CELF6: variants seen among roughly 807,000 people sequenced by gnomAD.
CELF6 encodes CUGBP Elav-like family member 6.
CELF6 carries 32 observed loss-of-function variants against 53.1 expected under a neutral mutation model. The ratio of observed to expected loss-of-function variants is 0.60; its 90% CI spans 0.46 to 0.81. The LOEUF (loss-of-function observed/expected upper bound fraction) is 0.81. Ranked by LOEUF, CELF6 falls within the 30% of genes least tolerant of loss-of-function variation. The pLI is 0.00. For synonymous variants in CELF6, 291 were observed against 288.8 expected (o/e 1.01, Z -0.08); for missense variants, 539 against 669.5 (o/e 0.81, Z 2.15).
chr15:72,291,661 A>G (rs985855578), intron 3 of CELF6, among the ~76,000 whole-genome samples: 1 of 152,142 alleles, frequency 6.6e-6, no homozygotes, highest in African/African-American at 2.4e-5. Context: ...CAACAAGACT[A>G]TGTGTGTGTC....
chr15:72,294,706 G>A (rs1008036410), intron 3 of CELF6, among the ~76,000 whole-genome samples: 3 of 152,192 alleles, frequency 2.0e-5, no homozygotes, highest in South Asian at 2.1e-4. Context: ...AAGCCAGCAC[G>A]GTGGCTCACG....
intron 2 of CELF6, among the ~76,000 whole-genome samples, chr15:72,308,531 TTTG>T (rs1461178281): frequency 3.3e-5 from 5 of 151,976 alleles, no homozygotes; most frequent in Admixed American, 2.6e-4. Flanking sequence ...CTGGCCGGTT[TTTG>T]TTGTTGTTAT....
chr15:72,286,446 C>G (rs2087923706), intron 12 of CELF6, 104 bp from the exon 13 acceptor site: 2 of 152,598 alleles, frequency 1.3e-5, no homozygotes, highest in African/African-American at 4.8e-5. Context: ...AGTGACGTCT[C>G]AGGTGAGTGG....
chr15:72,290,331 A>G, intron 3 of CELF6, 76 bp from the exon 4 acceptor site: 1 of 1,510,818 alleles, frequency 6.6e-7, no homozygotes, highest in South Asian at 1.2e-5. Context: ...GGAACTTAGG[A>G]AGGCAGCTCA....
chr15:72,304,419 A>G (rs1366900560), intron 3 of CELF6, among the ~76,000 whole-genome samples: 1 of 152,228 alleles, frequency 6.6e-6, no homozygotes, highest in Non-Finnish European at 1.5e-5. Context: ...CTTAAAAACA[A>G]CAACAACAAC....
At chr15:72,299,229 C>T (rs2088119009) in intron 3 of CELF6, among the ~76,000 whole-genome samples, 1 of 151,682 alleles carries the variant, frequency 6.6e-6, no homozygotes, top group Non-Finnish European at 1.5e-5. Flanking sequence ...GAGCGAGACT[C>T]CATTTCAAAA....
Position 72,285,731 on chromosome 15 carries a change from C to A in CELF6, c.*640G>T, listed in dbSNP as rs4777498. ...GGGTTCACTGCTTCCATAACGTTCT[C>A]ATTACCTGCATGTGAGCCTAGACCT... On this transcript the variant is annotated 3_prime_UTR_variant, in exon 13 of 13. Transcript: ENST00000287202. The A allele has an allele frequency of 0.75, 114,033 of 152,568 alleles. 48,601 individuals carry two copies. Among genetic ancestry groups the A allele is most frequent in the Non-Finnish European group, 0.94 (64,207 of 68,064 alleles). 9.5% of individuals were successfully genotyped at this position (152,568 alleles called of 1,614,324 possible). A position where few individuals can be genotyped will look rare whatever the true frequency, so the allele number is the denominator to read the frequency against.
In CELF6 at chr15:72,288,160, T is replaced by C; in HGVS notation, c.1318+148A>G. ...GCCAAGGCTTGTTGTTGGCCTAAAC[T>C]TAGGCCCATCACTGGTTTGTGACCC... On this transcript the variant is annotated intron_variant, in intron 11 of 12. Transcript: ENST00000287202. This position sits in a 1 kb window ranked among gnomAD's most constrained non-coding sequence, Gnocchi z 4.6. 1.1e-6 allele frequency: 1 copy of C among 908,642 alleles called. No individual in the cohort carries two copies. The highest frequency in any genetic ancestry group is 1.8e-6 in the Non-Finnish European group (1 of 567,490). The allele number at this position is 908,642 out of a possible 1,614,324, so 56.3% of individuals were successfully genotyped here.
intron 3 of CELF6, among the ~76,000 whole-genome samples, chr15:72,302,072 AT>A (rs1278519815): frequency 5.3e-5 from 8 of 152,238 alleles, no homozygotes; most frequent in African/African-American, 1.7e-4. Context: ...TTGTGTTAAA[AT>A]TCAGCAGAGG....
chr15:72,316,354 G>A (rs768197939), intron 1 of CELF6, among the ~76,000 whole-genome samples: 74 of 152,238 alleles, frequency 4.9e-4, no homozygotes, highest in Non-Finnish European at 7.8e-4. Context: ...ACTCAGTTTC[G>A]GATGGGAGGA....
chr15:72,286,790 T>G (rs1030430732), intron 12 of CELF6, among the ~76,000 whole-genome samples: 1 of 152,228 alleles, frequency 6.6e-6, no homozygotes, highest in African/African-American at 2.4e-5. Context: ...TGCCACTATC[T>G]CAGCCCTTAC....
intron 2 of CELF6, among the ~76,000 whole-genome samples, chr15:72,311,409 T>C (rs1434927548): frequency 6.6e-6 from 1 of 150,648 alleles, no homozygotes; most frequent in Non-Finnish European, 1.5e-5. Context: ...TTTTTTCTTT[T>C]TTTTTTTTTT....
At chr15:72,309,998 C>T (rs531269660) in intron 2 of CELF6, among the ~76,000 whole-genome samples, 35 of 152,186 alleles carry the variant, frequency 2.3e-4, no homozygotes, top group Non-Finnish European at 4.9e-4. Flanking sequence ...CGCACAGACA[C>T]GCACAGGGCC....
intron 2 of CELF6, among the ~76,000 whole-genome samples, chr15:72,309,336 C>A (rs192690676): frequency 1.3e-5 from 2 of 152,298 alleles, no homozygotes; most frequent in East Asian, 3.9e-4. Flanking sequence ...ATCAGTGGCA[C>A]AGGTGAGAGG....
At position 72,320,012 on chromosome 15, in the gene CELF6, G is replaced by GGGC; in HGVS notation, c.-139_-138insGCC. The GGGC allele has an allele frequency of 1.2e-6, 1 of 849,326 alleles. No individual in the cohort carries two copies. 52.6% of individuals were successfully genotyped at this position (849,326 alleles called of 1,614,324 possible). A position where few individuals can be genotyped will look rare whatever the true frequency, so the allele number is the denominator to read the frequency against. ...GGCGGGGGGCTGCCCAGGGGGCGGG[G>GGGC]TCCGGGTGGAGGGGCGTAGAGGGGG... On this transcript the variant is annotated 5_prime_UTR_variant, in exon 1 of 13. Coordinates refer to ENST00000287202, the MANE Select transcript of CELF6 (RefSeq NM_052840.5).
chr15:72,292,795 A>G (rs1251312382), intron 3 of CELF6, among the ~76,000 whole-genome samples: 2 of 152,214 alleles, frequency 1.3e-5, no homozygotes, highest in Non-Finnish European at 2.9e-5. Flanking sequence ...TGGGAGGCCA[A>G]GGTGGGCTGA....
At chr15:72,317,403 C>A (rs980552354) in intron 1 of CELF6, among the ~76,000 whole-genome samples, 1 of 152,134 alleles carries the variant, frequency 6.6e-6, no homozygotes, top group Non-Finnish European at 1.5e-5. Context: ...TACAGGGCTG[C>A]CCCATTAAGA....
Position 72,289,163 on chromosome 15 carries a change from G to A in CELF6, c.1005C>T (p.Tyr335=). The change falls in exon 8 of 13, where the codon TAC becomes TAT. Residue 335 remains tyrosine, a synonymous_variant. Coordinates refer to ENST00000287202, the MANE Select transcript of CELF6 (RefSeq NM_052840.5). The surrounding 1 kb of genome is among the most constrained non-coding windows in gnomAD (Gnocchi z 7.6). Reference sequence around the variant, plus strand: ...CTGGATAAGGGGAGAGCCCGTTATTGTAGAGCGTGTCGGAGCCCGGCTGGC... The same window carrying A: ...CTGGATAAGGGGAGAGCCCGTTATTATAGAGCGTGTCGGAGCCCGGCTGGC... ...TNGQPGSDTL[Y]NNGLSPYPAQ... The A allele has an allele frequency of 6.4e-7, 1 of 1,554,548 alleles. No homozygotes were observed. The highest frequency in any genetic ancestry group is 8.6e-7 in the Non-Finnish European group (1 of 1,160,352).
At chr15:72,308,227 T>G (rs113027995) in intron 2 of CELF6, among the ~76,000 whole-genome samples, 7,260 of 152,048 alleles carry the variant, frequency 0.048, 513 homozygotes, top group African/African-American at 0.15. Flanking sequence ...TATTGTTTTT[T>G]TTTGTTTGTT....
Sources: allele counts gnomAD v4.1 joint callset (sites outside exome capture counted in the v4.1 genomes callset), GRCh38; gene constraint gnomAD v4.1.1; non-coding constraint Gnocchi (gnomAD v3.1); transcripts MANE v1.5; gene names NCBI Gene and HGNC (gene_info 2026-07-23, HGNC 2026-07-21).